The following STK32B variants were observed in gnomAD, a reference collection of about 807,000 sequenced individuals.
STK32B encodes the protein serine/threonine-protein kinase 32B.
In STK32B, 43 loss-of-function variants were observed where a neutral mutation model predicts 52.6. The ratio of observed to expected loss-of-function variants is 0.82; its 90% CI spans 0.64 to 1.05. The LOEUF is 1.05. Ranked by LOEUF, STK32B falls within the 50% of genes least tolerant of loss-of-function variation. The probability of loss-of-function intolerance (pLI) is 0.00; values close to 1 mark genes in which losing one functional copy is unlikely to be tolerated. For synonymous variants in STK32B, 238 were observed against 204.3 expected (o/e 1.17, Z -1.41); for missense variants, 621 against 534.6 (o/e 1.16, Z -1.59).
At chr4:5,156,862 A>G (rs989146732) in intron 2 of STK32B, among the ~76,000 whole-genome samples, 2 of 151,728 alleles carry the variant, frequency 1.3e-5, no homozygotes, top group African/African-American at 4.8e-5. Flanking sequence ...ATAATTCCAG[A>G]CTCCATACCG....
At chr4:5,147,958 C>G (rs1232751330) in intron 2 of STK32B, among the ~76,000 whole-genome samples, 1 of 151,900 alleles carries the variant, frequency 6.6e-6, no homozygotes, top group Admixed American at 6.6e-5. Context: ...TTTCTGAAAG[C>G]ACTTGTGTAA....
At chr4:5,408,143 G>T (rs79635744) in intron 5 of STK32B, among the ~76,000 whole-genome samples, 2 of 152,052 alleles carry the variant, frequency 1.3e-5, no homozygotes, top group Non-Finnish European at 2.9e-5. Flanking sequence ...CAGCCCAAAC[G>T]GACTGAGATG....
intron 6 of STK32B, among the ~76,000 whole-genome samples, chr4:5,417,493 A>G (rs1712260428): frequency 6.6e-6 from 1 of 152,092 alleles, no homozygotes; most frequent in South Asian, 2.1e-4. Flanking sequence ...TCATTTCTTT[A>G]AAAATGTTCT....
chr4:5,085,342 C>A (rs1712672779), intron 1 of STK32B, among the ~76,000 whole-genome samples: 1 of 152,194 alleles, frequency 6.6e-6, no homozygotes, highest in South Asian at 2.1e-4. Flanking sequence ...ACTCTTTCCT[C>A]TTCTTGAAGC....
chr4:5,230,609 G>A (rs796555620), intron 3 of STK32B, among the ~76,000 whole-genome samples: 11 of 152,274 alleles, frequency 7.2e-5, no homozygotes, highest in African/African-American at 2.4e-4. Context: ...AAATCATTTT[G>A]AACTTCTGGA....
At chr4:5,222,678 G>T (rs1723615077) in intron 3 of STK32B, among the ~76,000 whole-genome samples, 1 of 152,166 alleles carries the variant, frequency 6.6e-6, no homozygotes, top group African/African-American at 2.4e-5. Context: ...GCATCAAAGT[G>T]TTCAGAGTGC....
intron 4 of STK32B, among the ~76,000 whole-genome samples, chr4:5,349,789 T>C (rs1340265318): frequency 6.6e-6 from 1 of 151,834 alleles, no homozygotes; most frequent in African/African-American, 2.4e-5. Context: ...GAAATAGATA[T>C]AAAAAACAAC....
chr4:5,361,418 C>T (rs1734541974), intron 4 of STK32B, among the ~76,000 whole-genome samples: 1 of 152,088 alleles, frequency 6.6e-6, no homozygotes, highest in Admixed American at 6.5e-5. Flanking sequence ...GTCATCCAGG[C>T]TGGAGTGCAG....
intron 4 of STK32B, among the ~76,000 whole-genome samples, chr4:5,377,495 G>T (rs565117176): frequency 1.1e-4 from 17 of 152,174 alleles, no homozygotes; most frequent in African/African-American, 3.9e-4. Flanking sequence ...TTTAAAGGAG[G>T]ACTTTATATC....
chr4:5,342,597 A>G (rs1438919714), intron 4 of STK32B, among the ~76,000 whole-genome samples: 1 of 152,164 alleles, frequency 6.6e-6, no homozygotes, highest in Non-Finnish European at 1.5e-5. Context: ...TAAACCATTC[A>G]TGAGAAATCT....
chr4:5,064,251 A>T (rs1362785933), intron 1 of STK32B, among the ~76,000 whole-genome samples: 1 of 124,014 alleles, frequency 8.1e-6, no homozygotes, highest in Admixed American at 8.7e-5. Context: ...CACAATATAT[A>T]ATATATAAAA....
At chr4:5,451,136 G>T (rs1242731568) in intron 7 of STK32B, among the ~76,000 whole-genome samples, 1 of 152,214 alleles carries the variant, frequency 6.6e-6, no homozygotes, top group Non-Finnish European at 1.5e-5. Flanking sequence ...GAGATGTGCG[G>T]ATTATTGTGC....
the STK32B span, among the ~76,000 whole-genome samples, chr4:5,024,765 G>C: frequency 6.6e-6 from 1 of 152,178 alleles, no homozygotes; most frequent in South Asian, 2.1e-4. Flanking sequence ...AGAGTATTGG[G>C]GACTCTTAAT....
In STK32B at chr4:5,180,692, T is replaced by G. The variant is rs1263013127; in HGVS notation, c.260+12242T>G. Among the ~76,000 whole-genome samples the G allele has an allele frequency of 2.0e-5, 3 of 152,214 alleles. 1 individual carries two copies. Among genetic ancestry groups the G allele is most frequent in the African/African-American group, 7.2e-5 (3 of 41,464 alleles). ...CTTTATATTAATGATACATCAGCTT[T>G]TCATCGCATTACATGGAGGGTGAAT... On this transcript the variant is annotated intron_variant, in intron 3 of 11. Coordinates refer to ENST00000282908, the MANE Select transcript of STK32B (RefSeq NM_018401.3).
At chr4:5,368,041 G>T (rs1214662602) in intron 4 of STK32B, among the ~76,000 whole-genome samples, 3 of 151,714 alleles carry the variant, frequency 2.0e-5, no homozygotes, top group Non-Finnish European at 4.4e-5. Flanking sequence ...ACCCACCCCC[G>T]ATTTCTACCT....
At chr4:5,221,581 A>G (rs1477213379) in intron 3 of STK32B, among the ~76,000 whole-genome samples, 1 of 152,148 alleles carries the variant, frequency 6.6e-6, no homozygotes, top group Non-Finnish European at 1.5e-5. Context: ...TCAGTGCTTC[A>G]TGTCCATGTT....
At chr4:5,130,629 T>G (rs1443957894) in intron 1 of STK32B, among the ~76,000 whole-genome samples, 1 of 152,008 alleles carries the variant, frequency 6.6e-6, no homozygotes, top group Non-Finnish European at 1.5e-5. Context: ...AAACCTGAAG[T>G]CCCTGGGAGG....
At chr4:5,235,398 C>G (rs1348747719) in intron 3 of STK32B, among the ~76,000 whole-genome samples, 3 of 152,144 alleles carry the variant, frequency 2.0e-5, no homozygotes, top group African/African-American at 7.2e-5. Flanking sequence ...CCTCCATTTC[C>G]TCATGTTGGA....
chr4:5,113,852 G>A (rs941389627), intron 1 of STK32B, among the ~76,000 whole-genome samples: 1 of 152,164 alleles, frequency 6.6e-6, no homozygotes, highest in Non-Finnish European at 1.5e-5. Flanking sequence ...CATGGTGGAA[G>A]GCAAGGAGGA....
Sources: allele counts gnomAD v4.1 joint callset (sites outside exome capture counted in the v4.1 genomes callset), GRCh38; gene constraint gnomAD v4.1.1; transcripts MANE v1.5; gene names NCBI Gene and HGNC (gene_info 2026-07-23, HGNC 2026-07-21).